CACNA2D3: variants seen among roughly 807,000 people sequenced by gnomAD.
CACNA2D3 encodes the protein voltage-dependent calcium channel subunit alpha-2/delta-3.
Under a neutral mutation model 160.6 loss-of-function variants are expected in CACNA2D3, and 60 were observed. That is an observed-to-expected ratio of 0.37 (90% CI 0.30 to 0.46). The LOEUF (loss-of-function observed/expected upper bound fraction) is 0.46, where lower values mean the gene tolerates loss of function less well. Ranked by LOEUF, CACNA2D3 falls within the 20% of genes least tolerant of loss-of-function variation. The probability of loss-of-function intolerance (pLI) is 1.00; values close to 1 mark genes in which losing one functional copy is unlikely to be tolerated. For synonymous variants in CACNA2D3, 558 were observed against 492.9 expected (o/e 1.13, Z -1.75); for missense variants, 1,205 against 1,365.0 (o/e 0.88, Z 1.85).
chr3:54,736,808 G>T (rs1701540988), intron 11 of CACNA2D3, among the ~76,000 whole-genome samples: 1 of 152,170 alleles, frequency 6.6e-6, no homozygotes, highest in Non-Finnish European at 1.5e-5. Flanking sequence ...CACATGCCTT[G>T]AAAAGGTCCA....
At chr3:54,828,492 A>T (rs1575499284) in intron 14 of CACNA2D3, among the ~76,000 whole-genome samples, 1 of 152,304 alleles carries the variant, frequency 6.6e-6, no homozygotes, top group South Asian at 2.1e-4. Flanking sequence ...CTAGAAGTTT[A>T]CTCATAAAAC....
chr3:54,932,780 C>T (rs1053645840), intron 27 of CACNA2D3, among the ~76,000 whole-genome samples: 7 of 152,236 alleles, frequency 4.6e-5, no homozygotes, highest in African/African-American at 1.7e-4. Context: ...ACAGGCTCCT[C>T]ATCCAAACCA....
intron 5 of CACNA2D3, among the ~76,000 whole-genome samples, chr3:54,509,886 C>T (rs1701432542): frequency 6.6e-6 from 1 of 152,200 alleles, no homozygotes; most frequent in Non-Finnish European, 1.5e-5. Flanking sequence ...TGCCTCCATA[C>T]TTCTGCATGT....
chr3:54,308,612 T>C (rs1298989991), intron 2 of CACNA2D3, among the ~76,000 whole-genome samples: 1 of 152,202 alleles, frequency 6.6e-6, no homozygotes, highest in Non-Finnish European at 1.5e-5. Flanking sequence ...CGCTGAGATA[T>C]GGGGGTTATT....
chr3:54,499,743 A>T (rs910141489), intron 4 of CACNA2D3, among the ~76,000 whole-genome samples: 3 of 151,986 alleles, frequency 2.0e-5, no homozygotes, highest in African/African-American at 7.2e-5. Context: ...GTGGTCTGAG[A>T]GCAGACACCG....
intron 11 of CACNA2D3, among the ~76,000 whole-genome samples, chr3:54,718,245 G>A (rs1294498539): frequency 9.2e-5 from 14 of 152,020 alleles, no homozygotes; most frequent in Admixed American, 8.5e-4. Context: ...TTTTGGTAAA[G>A]TTCAGTGTAT....
chr3:54,788,215 C>A (rs1310344024), intron 13 of CACNA2D3, among the ~76,000 whole-genome samples: 1 of 152,272 alleles, frequency 6.6e-6, no homozygotes, highest in Non-Finnish European at 1.5e-5. Flanking sequence ...GTTTGAAAAC[C>A]TTTTACCTTT....
At chr3:54,855,201 A>G (rs1699142408) in intron 17 of CACNA2D3, among the ~76,000 whole-genome samples, 3 of 152,062 alleles carry the variant, frequency 2.0e-5, no homozygotes, top group Admixed American at 2.0e-4. Flanking sequence ...CAGGAAATGG[A>G]GAGAGGGGAG....
chr3:54,520,918 T>G (rs1349750466), intron 5 of CACNA2D3, among the ~76,000 whole-genome samples: 1 of 152,242 alleles, frequency 6.6e-6, no homozygotes, highest in Admixed American at 6.5e-5. Flanking sequence ...TCAAGATTTT[T>G]CCATTTGTAC....
intron 31 of CACNA2D3, among the ~76,000 whole-genome samples, chr3:54,998,627 A>G (rs75565309): frequency 0.018 from 2,674 of 152,220 alleles, 89 homozygotes; most frequent in African/African-American, 0.061. Context: ...CTCCCCATTC[A>G]GTGTTCAGCA....
intron 2 of CACNA2D3, among the ~76,000 whole-genome samples, chr3:54,204,997 T>C (rs1701249767): frequency 6.6e-6 from 1 of 152,094 alleles, no homozygotes; most frequent in Non-Finnish European, 1.5e-5. Flanking sequence ...ATTGCCATTA[T>C]AAAAAATCCA....
intron 9 of CACNA2D3, among the ~76,000 whole-genome samples, chr3:54,585,586 G>C (rs13317617): frequency 6.6e-6 from 1 of 152,058 alleles, no homozygotes; most frequent in Non-Finnish European, 1.5e-5. Flanking sequence ...CAAGTTCCAC[G>C]TAGCTGGGGA....
chr3:54,999,231 A>C (rs1238118325), intron 31 of CACNA2D3, among the ~76,000 whole-genome samples: 1 of 152,160 alleles, frequency 6.6e-6, no homozygotes, highest in Non-Finnish European at 1.5e-5. Flanking sequence ...GGGAGAGCAC[A>C]TTTTGAATCT....
intron 2 of CACNA2D3, among the ~76,000 whole-genome samples, chr3:54,287,078 T>C (rs1046566673): frequency 4.0e-5 from 6 of 151,892 alleles, no homozygotes; most frequent in African/African-American, 1.5e-4. Context: ...CACATAACAA[T>C]ATTAACTTTA....
At chr3:54,368,235 C>G (rs189492605) in intron 3 of CACNA2D3, among the ~76,000 whole-genome samples, 4 of 151,992 alleles carry the variant, frequency 2.6e-5, no homozygotes, top group African/African-American at 9.7e-5. Flanking sequence ...TTTGGAAGGC[C>G]GAGGTGGGAG....
chr3:54,649,834 TC>T (rs1699725285), intron 11 of CACNA2D3, among the ~76,000 whole-genome samples: 1 of 152,222 alleles, frequency 6.6e-6, no homozygotes, highest in Admixed American at 6.5e-5. Flanking sequence ...CACTGTCTGT[TC>T]CTGTGGGGGC....
intron 2 of CACNA2D3, among the ~76,000 whole-genome samples, chr3:54,154,487 T>A (rs1700207358): frequency 6.6e-6 from 1 of 152,146 alleles, no homozygotes; most frequent in South Asian, 2.1e-4. Context: ...AGCACATATG[T>A]TAAAACAGTC....
At chr3:54,486,694 C>T (rs1701020336) in intron 4 of CACNA2D3, among the ~76,000 whole-genome samples, 1 of 152,162 alleles carries the variant, frequency 6.6e-6, no homozygotes. Flanking sequence ...CATCTTGTGA[C>T]CCTTGACCCA....
chr3:54,200,987 T>C (rs563124550), intron 2 of CACNA2D3, among the ~76,000 whole-genome samples: 4 of 152,336 alleles, frequency 2.6e-5, no homozygotes, highest in East Asian at 1.9e-4. Flanking sequence ...TAGAACTGCA[T>C]TGTCCAATGT....
Sources: allele counts gnomAD v4.1 joint callset (sites outside exome capture counted in the v4.1 genomes callset), GRCh38; gene constraint gnomAD v4.1.1; transcripts MANE v1.5; gene names NCBI Gene and HGNC (gene_info 2026-07-23, HGNC 2026-07-21).